The following BHLHE41 variants were observed in gnomAD, a reference collection of about 807,000 sequenced individuals.
The protein encoded by BHLHE41 is class E basic helix-loop-helix protein 41.
BHLHE41 carries 14 observed loss-of-function variants against 24.0 expected under a neutral mutation model. The ratio of observed to expected loss-of-function variants is 0.58; its 90% confidence interval spans 0.39 to 0.91. The LOEUF (loss-of-function observed/expected upper bound fraction) is 0.91. Among genes scored for constraint, BHLHE41 ranks in the 40% least tolerant of loss-of-function variants. The pLI is 0.00. For synonymous variants in BHLHE41, 394 were observed against 315.5 expected, an observed-to-expected ratio of 1.25 and a Z score of -2.64; for missense variants, 674 against 655.4, an observed-to-expected ratio of 1.03 and a Z score of -0.31.
Position 26,122,308 on chromosome 12 carries a change from CGGCGGCTGCCGCGGCTGCCGCCGG to C in BHLHE41, c.1183_1206del (p.Pro395_Ala402del), listed in dbSNP as rs1466897849. The C allele has an allele frequency of 1.2e-5, 14 of 1,159,610 alleles. No homozygotes were observed. The African/African-American group carries it at 2.2e-4, about 18-fold the overall frequency. The allele number at this position is 1,159,610 out of a possible 1,614,324, so 71.8% of individuals were successfully genotyped here. A position where few individuals can be genotyped will look rare whatever the true frequency, so the allele number is the denominator to read the frequency against. On this transcript the variant is annotated inframe_deletion, in exon 5 of 5. Coordinates refer to ENST00000242728, the MANE Select transcript of BHLHE41 (RefSeq NM_030762.3). ...GCGGCGGCGGCGGCGGCAGCGGCGG[CGGCGGCTGCCGCGGCTGCCGCCGG>C]GGCGGGGATGCCGGGGTATAGCAGC...
In BHLHE41 at chr12:26,120,655, G is replaced by A. The variant is rs1408113024; in HGVS notation, c.*1411C>T. 6.6e-6 allele frequency: 1 copy of A among 152,640 alleles called. No individual in the cohort carries two copies. The highest frequency in any genetic ancestry group is 1.5e-5 in the Non-Finnish European group (1 of 68,044). 9.5% of individuals were successfully genotyped at this position (152,640 alleles called of 1,614,324 possible). ...CCTTGTAGGCTAAGAGTTTAACGTT[G>A]TTTAAACACAGCGTTTGAGGCAAAC... On this transcript the variant is annotated 3_prime_UTR_variant, in exon 5 of 5. Coordinates refer to ENST00000242728, the MANE Select transcript of BHLHE41 (RefSeq NM_030762.3).
chr12:26,123,131 C>CA lies in BHLHE41; in HGVS notation c.383dup (p.Leu128PhefsTer23). ...TTTGAAATCCCGAGTGGAACGCATC[C>CA]AAGTCGGACTGAATGGGCGATTTCA... On this transcript the variant is annotated frameshift_variant, in exon 5 of 5. Coordinates refer to ENST00000242728, the MANE Select transcript of BHLHE41 (RefSeq NM_030762.3). LOFTEE classifies it low-confidence loss of function (END_TRUNC). The CA allele has an allele frequency of 1.2e-6, 2 of 1,607,164 alleles. No homozygotes were observed. Among genetic ancestry groups the CA allele is most frequent in the Non-Finnish European group, 1.7e-6 (2 of 1,175,612 alleles).
In BHLHE41 at chr12:26,122,075, T is replaced by G. The variant is rs1380463853; in HGVS notation, c.1440A>C (p.Glu480Asp). The G allele has an allele frequency of 1.9e-6, 3 of 1,549,404 alleles. No homozygotes were observed. The East Asian group carries it at 7.4e-5, about 38-fold the overall frequency. The change falls in exon 5 of 5, where the codon GAA (glutamate) becomes GAC (aspartate). Residue 480 changes from glutamate (E) to aspartate (D), a missense_variant. Glu to Asp is a conservative substitution (Grantham distance 45). Coordinates refer to ENST00000242728, the MANE Select transcript of BHLHE41 (RefSeq NM_030762.3). ...TTCGGGACGCAAGGATTCAGGGAGCTTCCTTTCCTGGCTGCGAGGGATCTT... is the reference window on the plus strand; with the variant it reads ...TTCGGGACGCAAGGATTCAGGGAGCGTCCTTTCCTGGCTGCGAGGGATCTT... Reference protein sequence around the residue: ...AQEDPSQPGKEAP With the variant: ...AQEDPSQPGKDAP
In BHLHE41 at chr12:26,124,825, T is replaced by A; in HGVS notation, c.-46A>T. On this transcript the variant is annotated 5_prime_UTR_variant, in exon 1 of 5. Transcript: ENST00000242728. Reference sequence around the variant, plus strand: ...CTCTGTTTCGATTTTTGGGGCTCTGTACAATAATCTGTGGGACGGTAGGCT... The same window carrying A: ...CTCTGTTTCGATTTTTGGGGCTCTGAACAATAATCTGTGGGACGGTAGGCT... 1 of 1,590,934 alleles carries A rather than the reference T, an allele frequency of 6.3e-7. No individual in the cohort carries two copies. The highest frequency in any genetic ancestry group is 8.6e-7 in the Non-Finnish European group (1 of 1,159,418).
chr12:26,122,046 G>C lies in BHLHE41; in HGVS notation c.*20C>G, dbSNP rs1183444176. ...AACTTCTCACTCTGCTTGAACCTCC[G>C]TCCTTCGGGACGCAAGGATTCAGGG... On this transcript the variant is annotated 3_prime_UTR_variant, in exon 5 of 5. Transcript: ENST00000242728. The C allele has an allele frequency of 3.9e-6, 6 of 1,548,762 alleles. No homozygotes were observed. The African/African-American group carries it at 8.2e-5, about 21-fold the overall frequency.
In BHLHE41 at chr12:26,122,333, G is replaced by A; in HGVS notation, c.1182C>T (p.Ala394=). 2 of 1,175,998 alleles carry A rather than the reference G, an allele frequency of 1.7e-6. No homozygotes were observed. Among genetic ancestry groups the A allele is most frequent in the Non-Finnish European group, 2.1e-6 (2 of 953,084 alleles). 72.8% of individuals were successfully genotyped at this position (1,175,998 alleles called of 1,614,324 possible). ...CGGCGGCTGCCGCGGCTGCCGCCGG[G>A]GCGGGGATGCCGGGGTATAGCAGCG... ...PFPLLYPGIP[A]PAAAAAAAAA... is the part of the protein sequence containing the mutation. The change falls in exon 5 of 5, where the codon GCC becomes GCT. Residue 394 remains alanine, a synonymous_variant. Coordinates refer to ENST00000242728, the MANE Select transcript of BHLHE41 (RefSeq NM_030762.3).
chr12:26,122,594 G>A lies in BHLHE41; in HGVS notation c.921C>T (p.Pro307=), dbSNP rs1944320507. Reference sequence around the variant, plus strand: ...GCAGCGCGGCCGCGGCGGCAGGGTCGGGCCCCAGAAGCGCGGCTGCCGCCG... The same window carrying A: ...GCAGCGCGGCCGCGGCGGCAGGGTCAGGCCCCAGAAGCGCGGCTGCCGCCG... ...AAAAAAALLG[P]DPAAAAALLR... is the part of the protein sequence containing the mutation. Residue 307 remains proline, a synonymous_variant, in exon 5 of 5, where the codon CCC becomes CCT. Transcript: ENST00000242728. 2 of 1,116,864 alleles carry A rather than the reference G, an allele frequency of 1.8e-6. No individual in the cohort carries two copies. Among genetic ancestry groups the A allele is most frequent in the African/African-American group, 3.4e-5 (2 of 59,132 alleles). The allele number at this position is 1,116,864 out of a possible 1,614,324, so 69.2% of individuals were successfully genotyped here. A position where few individuals can be genotyped will look rare whatever the true frequency, so the allele number is the denominator to read the frequency against.
intron 2 of BHLHE41, 114 bp downstream of exon 2, chr12:26,124,405 G>T: frequency 8.3e-7 from 1 of 1,208,176 alleles, no homozygotes; most frequent in Non-Finnish European, 1.2e-6. Flanking sequence ...AAAATTCACA[G>T]TTGGGGAAGC....
rs1407693238 is a variant in BHLHE41 at position 26,122,474 on chromosome 12, G to A, written c.1041C>T (p.Phe347=). 7.4e-6 allele frequency: 10 copies of A among 1,345,790 alleles called. No individual in the cohort carries two copies. In the African/African-American group the frequency reaches 1.2e-4, roughly 17 times the overall value. The allele number at this position is 1,345,790 out of a possible 1,614,324, so 83.4% of individuals were successfully genotyped here. A position where few individuals can be genotyped will look rare whatever the true frequency, so the allele number is the denominator to read the frequency against. Residue 347 remains phenylalanine (F), a synonymous_variant, in exon 5 of 5, where the codon TTC becomes TTT. Transcript: ENST00000242728. ...FPQPAAAAAP[F]CLPFCFLSPS... ...GCGAGAGGAAGCAGAAGGGCAGGCA[G>A]AAGGGGGCCGCGGCGGCCGCGGGCT...
rs748217053 is a variant in BHLHE41 at position 26,122,668 on chromosome 12, C to G, written c.847G>C (p.Asp283His). 1.0e-5 allele frequency: 15 copies of G among 1,466,620 alleles called. No homozygotes were observed. In the East Asian group the frequency reaches 1.4e-4, roughly 13 times the overall value. The allele number at this position is 1,466,620 out of a possible 1,614,324, so 90.9% of individuals were successfully genotyped here. A position where few individuals can be genotyped will look rare whatever the true frequency, so the allele number is the denominator to read the frequency against. ...CCGCCGCTGCCGCCGCCGCGGGAATCCAGCTTCATCCTCTTGGGCGCCGGC... is the reference window on the plus strand; with the variant it reads ...CCGCCGCTGCCGCCGCCGCGGGAATGCAGCTTCATCCTCTTGGGCGCCGGC... The part of the protein sequence containing the change: ...DSPAPKRMKL[D>H]SRGGGSGGGP... Residue 283 changes from aspartate to histidine, a missense_variant, in exon 5 of 5, where the codon GAT (aspartate) becomes CAT (histidine). Physicochemically the swap from Asp to His is moderately conservative, Grantham distance 81. This residue lies in a region of BHLHE41 where 602 missense variants were observed against 570.8 expected (regional missense o/e 1.05). Coordinates refer to ENST00000242728, the MANE Select transcript of BHLHE41 (RefSeq NM_030762.3).
chr12:26,124,224 C>G, intron 2 of BHLHE41, 45 bp from the exon 3 acceptor site: 6 of 1,278,512 alleles, frequency 4.7e-6, no homozygotes, highest in Non-Finnish European at 6.8e-6. Flanking sequence ...GTAAGCGAAA[C>G]ATTCACTTAT....
rs1304129384 is a variant in BHLHE41, at chr12:26,120,332, GA to G, written c.*1733del. ...ATAGTGTGGCAATATTTAGGTAATA[GA>G]ATTTATGGAGTGCTGAAAATACTAG... is the stretch of plus-strand genomic sequence containing the variant. On this transcript the variant is annotated 3_prime_UTR_variant, in exon 5 of 5. Coordinates refer to ENST00000242728, the MANE Select transcript of BHLHE41 (RefSeq NM_030762.3). The G allele has an allele frequency of 6.6e-6, 1 of 152,540 alleles. No individual in the cohort carries two copies. Among genetic ancestry groups the G allele is most frequent in the Non-Finnish European group, 1.5e-5 (1 of 68,036 alleles). The allele number at this position is 152,540 out of a possible 1,614,324, so 9.4% of individuals were successfully genotyped here. A position where few individuals can be genotyped will look rare whatever the true frequency, so the allele number is the denominator to read the frequency against.
In BHLHE41 at chr12:26,122,106, G is replaced by A; in HGVS notation, c.1409C>T (p.Ala470Val). ...TCCTGGCTGCGAGGGATCTTCCTGA[G>A]CAGAGCTCTCCGGGTTCCCCGGCTC... ...PREPGNPESS[A>V]QEDPSQPGKE... is the part of the protein sequence containing the mutation. Residue 470 changes from alanine to valine, a missense_variant, in exon 5 of 5, where the codon GCT (alanine) becomes GTT (valine). Coordinates refer to ENST00000242728, the MANE Select transcript of BHLHE41 (RefSeq NM_030762.3). 6.5e-7 allele frequency: 1 copy of A among 1,549,798 alleles called. No individual in the cohort carries two copies. The highest frequency in any genetic ancestry group is 8.7e-7 in the Non-Finnish European group (1 of 1,146,642).
rs1225243625 is a variant in BHLHE41, at chr12:26,123,694, T to C, written c.282A>G (p.Lys94=). The change falls in exon 4 of 5, where the codon AAA becomes AAG. Residue 94 remains lysine (K), a synonymous_variant. Coordinates refer to ENST00000242728, the MANE Select transcript of BHLHE41 (RefSeq NM_030762.3). The part of the protein sequence containing the change: ...EKAVVLELTL[K]HLKALTALTE... Reference sequence around the variant, plus strand: ...TTAAGGCGGTTAAAGCTTTTAAGTGTTTCAAAGTTAATTCCAAGACTACAG... The same window carrying C: ...TTAAGGCGGTTAAAGCTTTTAAGTGCTTCAAAGTTAATTCCAAGACTACAG... The C allele has an allele frequency of 9.3e-6, 15 of 1,614,048 alleles. No individual in the cohort carries two copies. Among genetic ancestry groups the C allele is most frequent in the Non-Finnish European group, 1.3e-5 (15 of 1,179,996 alleles).
At position 26,122,945 on chromosome 12, in the gene BHLHE41, G is replaced by A. The variant is rs1185198426; in HGVS notation, c.570C>T (p.Thr190=). 2.6e-6 allele frequency: 4 copies of A among 1,555,062 alleles called. No homozygotes were observed. In the South Asian group the frequency reaches 4.7e-5, roughly 18 times the overall value. Residue 190 remains threonine (T), a synonymous_variant, in exon 5 of 5, where the codon ACC becomes ACT. Coordinates refer to ENST00000242728, the MANE Select transcript of BHLHE41 (RefSeq NM_030762.3). ...LTQQVPLSKG[T]GAPSAAGSAA... Reference sequence around the variant, plus strand: ...CGGACCCGGCGGCCGAGGGAGCGCCGGTGCCTTTGCTCAGAGGGACCTGTT... The same window carrying A: ...CGGACCCGGCGGCCGAGGGAGCGCCAGTGCCTTTGCTCAGAGGGACCTGTT...
Position 26,122,944 on chromosome 12 carries a change from C to G in BHLHE41, c.571G>C (p.Gly191Arg), listed in dbSNP as rs936454925. Residue 191 changes from glycine (G) to arginine (R), a missense_variant, in exon 5 of 5, where the codon GGC (glycine) becomes CGC (arginine). Coordinates refer to ENST00000242728, the MANE Select transcript of BHLHE41 (RefSeq NM_030762.3). ...TQQVPLSKGT[G>R]APSAAGSAAA... ...GCGGACCCGGCGGCCGAGGGAGCGC[C>G]GGTGCCTTTGCTCAGAGGGACCTGT... 21 of 1,554,582 alleles carry G rather than the reference C, an allele frequency of 1.4e-5. No homozygotes were observed. Among genetic ancestry groups the G allele is most frequent in the Middle Eastern group, 1.7e-4 (1 of 5,960 alleles).
Position 26,122,476 on chromosome 12 carries a change from AGG to A in BHLHE41, c.1037_1038del (p.Pro346LeufsTer153). On this transcript the variant is annotated frameshift_variant, in exon 5 of 5. Transcript: ENST00000242728. LOFTEE classifies it high-confidence loss of function. ...PFPQPAAAAAPFCLPFCFLSP... is the reference protein window; with the variant it reads ...PFPQPAAAAAXFCLPFCFLSP... The stretch of plus-strand genomic sequence containing the variant: ...GAGAGGAAGCAGAAGGGCAGGCAGA[AGG>A]GGGCCGCGGCGGCCGCGGGCTGCGG... 1 of 1,340,016 alleles carries A rather than the reference AGG, an allele frequency of 7.5e-7. No individual in the cohort carries two copies. Among genetic ancestry groups the A allele is most frequent in the Non-Finnish European group, 9.7e-7 (1 of 1,036,042 alleles). 83.0% of individuals were successfully genotyped at this position (1,340,016 alleles called of 1,614,324 possible).
At position 26,123,149 on chromosome 12, in the gene BHLHE41, C is replaced by G; in HGVS notation, c.366G>C (p.Ser122=). The stretch of plus-strand genomic sequence containing the variant: ...ACGCATCCAAGTCGGACTGAATGGG[C>G]GATTTCAGAGATCGCTCCCCTAGGA... The part of the protein sequence containing the change: ...ALQNGERSLK[S]PIQSDLDAFH... The change falls in exon 5 of 5, where the codon TCG becomes TCC. Residue 122 remains serine, a synonymous_variant. Coordinates refer to ENST00000242728, the MANE Select transcript of BHLHE41 (RefSeq NM_030762.3). 6.3e-7 allele frequency: 1 copy of G among 1,597,018 alleles called. No homozygotes were observed. The highest frequency in any genetic ancestry group is 8.6e-7 in the Non-Finnish European group (1 of 1,168,288).
intron 3 of BHLHE41, 118 bp downstream of exon 3, chr12:26,123,954 T>C (rs1251321481): frequency 3.6e-6 from 3 of 827,072 alleles, no homozygotes; most frequent in Non-Finnish European, 6.0e-6. Context: ...CTGTACGGTA[T>C]AGCACAAGTT....
Sources: allele counts gnomAD v4.1 joint callset, GRCh38; gene constraint gnomAD v4.1.1; regional missense constraint gnomAD v4.1.1; transcripts MANE v1.5; gene names NCBI Gene and HGNC (gene_info 2026-07-23, HGNC 2026-07-21).